Variants in GAA observed in about 807,000 individuals in gnomAD.
GAA encodes lysosomal alpha-glucosidase.
A neutral mutation model predicts 103.9 loss-of-function variants in GAA; 88 were observed. That is an observed-to-expected ratio of 0.85 (90% CI 0.71 to 1.01). The LOEUF (loss-of-function observed/expected upper bound fraction) is 1.01. Among genes scored for constraint, GAA ranks in the 50% least tolerant of loss-of-function variants. The pLI is 0.00. For missense variants in GAA, 1,350 were observed against 1,305.3 expected (o/e 1.03, Z -0.53); for synonymous variants, 572 against 563.1 (o/e 1.02, Z -0.22).
At position 80,108,544 on chromosome 17, in the gene GAA, CT is replaced by C; in HGVS notation, c.1132del (p.Tyr378ThrfsTer14). ...TGGGCTTCCACCTGTGCCGCTGGGG[CT>C]ACTCCTCCACCGCTATCACCCGCCA... ...GLGFHLCRWG[Y>X]SSTAITRQVV... On this transcript the variant is annotated frameshift_variant, in exon 7 of 20. Transcript: ENST00000302262. LOFTEE classifies it high-confidence loss of function. The C allele has an allele frequency of 6.2e-7, 1 of 1,612,904 alleles. No homozygotes were observed. Among genetic ancestry groups the C allele is most frequent in the South Asian group, 1.1e-5 (1 of 91,062 alleles).
Position 80,118,251 on chromosome 17 carries a change from T to G in GAA, c.2540T>G (p.Leu847Arg), listed in dbSNP as rs1555603096. The change falls in exon 18 of 20, where the codon CTG (leucine) becomes CGG (arginine). Residue 847 changes from leucine to arginine, a missense_variant. By Grantham distance (102) the Leu-to-Arg change is moderately radical. Coordinates refer to ENST00000302262, the MANE Select transcript of GAA (RefSeq NM_000152.5). ...RQQPMALAVA[L>R]TKGGEARGEL... is the part of the protein sequence containing the mutation. ...CAGCCCATGGCCCTGGCTGTGGCCC[T>G]GACCAAGGGTGGGGAGGCCCGAGGG... 1.9e-6 allele frequency: 3 copies of G among 1,611,984 alleles called. No individual in the cohort carries two copies. Among genetic ancestry groups the G allele is most frequent in the Non-Finnish European group, 2.5e-6 (3 of 1,179,114 alleles).
In GAA at chr17:80,112,090, G is replaced by C. The variant is rs369098202; in HGVS notation, c.1744G>C (p.Ala582Pro). ...HNLYGLTEAI[A>P]SHRALVKARG... ...CCTCTACGGCCTGACCGAAGCCATCGCCTCCCACAGGTGAGGGCCACGTCC... is the reference window on the plus strand; with the variant it reads ...CCTCTACGGCCTGACCGAAGCCATCCCCTCCCACAGGTGAGGGCCACGTCC... Residue 582 changes from alanine to proline, a missense_variant, in exon 12 of 20, where the codon GCC (alanine) becomes CCC (proline). Coordinates refer to ENST00000302262, the MANE Select transcript of GAA (RefSeq NM_000152.5). 30 of 1,613,356 alleles carry C rather than the reference G, an allele frequency of 1.9e-5. No homozygotes were observed. The highest frequency in any genetic ancestry group is 2.5e-5 in the Non-Finnish European group (30 of 1,179,624).
In GAA at chr17:80,107,732, C is replaced by CGGT. The variant is rs772821371; in HGVS notation, c.858+12_858+13insTGG. ...GGACCTTGCGCCCACGGTACAGCGGCGGGCGGCGGGCGGGGGCACTGAGCT... is the reference window on the plus strand; with the variant it reads ...GGACCTTGCGCCCACGGTACAGCGGCGGTGGGCGGCGGGCGGGGGCACTGAGCT... On this transcript the variant is annotated intron_variant, in intron 4 of 19. Coordinates refer to ENST00000302262, the MANE Select transcript of GAA (RefSeq NM_000152.5). 1.1e-4 allele frequency: 176 copies of CGGT among 1,606,934 alleles called. 1 individual carries two copies. In the South Asian group the frequency reaches 1.5e-3, roughly 14 times the overall value.
chr17:80,108,112 CTT>C (rs994940460), intron 5 of GAA, among the ~76,000 whole-genome samples, 176 bp from the exon 6 acceptor site: 7 of 152,360 alleles, frequency 4.6e-5, no homozygotes, highest in Admixed American at 4.6e-4. Context: ...CACCACATAT[CTT>C]TCCGTCCCAT....
In GAA at chr17:80,104,883, C is replaced by T. The variant is rs771846178; in HGVS notation, c.297C>T (p.Thr99=). Residue 99 remains threonine, a synonymous_variant, in exon 2 of 20, where the codon ACC becomes ACT. Coordinates refer to ENST00000302262, the MANE Select transcript of GAA (RefSeq NM_000152.5). This position sits in a 1 kb window ranked among gnomAD's most constrained non-coding sequence, Gnocchi z 4.0. ...ATTGCGCCCCTGACAAGGCCATCAC[C>T]CAGGAACAGTGCGAGGCCCGCGGCT... ...RFDCAPDKAI[T]QEQCEARGCC... The T allele has an allele frequency of 1.4e-5, 23 of 1,612,902 alleles. No individual in the cohort carries two copies. The Admixed American group carries it at 3.7e-4, about 26-fold the overall frequency.
rs773498009 is a variant in GAA at position 80,117,691 on chromosome 17, C to T, written c.2423C>T (p.Pro808Leu). Reference protein sequence around the residue: ...IHSEGQWVTLPAPLDTINVHL... With the variant: ...IHSEGQWVTLLAPLDTINVHL... Reference sequence around the variant, plus strand: ...AGCGAGGGGCAGTGGGTGACGCTGCCGGCCCCCCTGGACACCATCAACGTC... The same window carrying T: ...AGCGAGGGGCAGTGGGTGACGCTGCTGGCCCCCCTGGACACCATCAACGTC... Residue 808 changes from proline (P) to leucine (L), a missense_variant, in exon 17 of 20, where the codon CCG becomes CTG. By Grantham distance (98) the Pro-to-Leu change is moderately conservative. Transcript: ENST00000302262. The T allele has an allele frequency of 8.1e-6, 13 of 1,612,330 alleles. No individual in the cohort carries two copies. Among genetic ancestry groups the T allele is most frequent in the African/African-American group, 8.0e-5 (6 of 74,922 alleles).
rs185905012 is a variant in GAA at position 80,117,193 on chromosome 17, C to G, written c.2331+84C>G. ...GCCCCCTCCACCCAGTTGGTGTGAC[C>G]AGGTGGCGGAAAGAGGAACGTATGT... On this transcript the variant is annotated intron_variant, in intron 16 of 19. Transcript: ENST00000302262. The G allele has an allele frequency of 5.2e-4, 762 of 1,471,650 alleles. 1 individual carries two copies. Among genetic ancestry groups the G allele is most frequent in the Non-Finnish European group, 6.7e-4 (718 of 1,067,522 alleles). 91.2% of individuals were successfully genotyped at this position (1,471,650 alleles called of 1,614,324 possible).
rs1259967473 is a variant in GAA at position 80,113,442 on chromosome 17, C to T, written c.2189+76C>T. The T allele has an allele frequency of 6.7e-6, 9 of 1,346,240 alleles. No individual in the cohort carries two copies. The South Asian group carries it at 8.9e-5, about 13-fold the overall frequency. The allele number at this position is 1,346,240 out of a possible 1,614,324, so 83.4% of individuals were successfully genotyped here. ...CACGTAACTCCCAGGCAGCCCTGTC[C>T]TGCTGTGGGCTGTGTTCCCCAGGAC... On this transcript the variant is annotated intron_variant, in intron 15 of 19. Transcript: ENST00000302262.
At chr17:80,111,837 G>A (rs368359609) in intron 11 of GAA, 146 bp from the exon 12 acceptor site, 17 of 662,488 alleles carry the variant, frequency 2.6e-5, no homozygotes, top group African/African-American at 8.8e-5. Context: ...CCACAGAGGC[G>A]TGGGGAGCGG....
rs994615279 is a variant in GAA at position 80,108,342 on chromosome 17, C to G, written c.1008C>G (p.Ile336Met). 1 of 1,613,570 alleles carries G rather than the reference C, an allele frequency of 6.2e-7. No individual in the cohort carries two copies. Among genetic ancestry groups the G allele is most frequent in the African/African-American group, 1.3e-5 (1 of 74,940 alleles). ...PALSWRSTGG[I>M]LDVYIFLGPE... ...TTAGCTGGAGGTCGACAGGTGGGAT[C>G]CTGGATGTCTACATCTTCCTGGGCC... The change falls in exon 6 of 20, where the codon ATC becomes ATG. Residue 336 changes from isoleucine (I) to methionine (M), a missense_variant. Physicochemically the swap from Ile to Met is conservative, Grantham distance 10 (BLOSUM62 1). Transcript: ENST00000302262.
Position 80,104,557 on chromosome 17 carries a change from C to G in GAA, c.-30C>G, listed in dbSNP as rs753885352. On this transcript the variant is annotated splice_region_variant and 5_prime_UTR_variant, in exon 2 of 20. Coordinates refer to ENST00000302262, the MANE Select transcript of GAA (RefSeq NM_000152.5). The surrounding 1 kb of genome is among the most constrained non-coding windows in gnomAD (Gnocchi z 4.0). Reference sequence around the variant, plus strand: ...GAGCCCGCTTTCTTCTCCCGCAGGCCTGTAGGAGCTGTCCAGGCCATCTCC... The same window carrying G: ...GAGCCCGCTTTCTTCTCCCGCAGGCGTGTAGGAGCTGTCCAGGCCATCTCC... 1 of 1,593,166 alleles carries G rather than the reference C, an allele frequency of 6.3e-7. No homozygotes were observed. Among genetic ancestry groups the G allele is most frequent in the African/African-American group, 1.3e-5 (1 of 74,644 alleles).
In GAA at chr17:80,112,106, G is replaced by C. The variant is rs1282791373; in HGVS notation, c.1754+6G>C. ...GAAGCCATCGCCTCCCACAGGTGAG[G>C]GCCACGTCCCGCCCCACTGGGCTCT... is the stretch of plus-strand genomic sequence containing the variant. On this transcript the variant is annotated splice_donor_region_variant and intron_variant, in intron 12 of 19. Transcript: ENST00000302262. 9 of 1,611,666 alleles carry C rather than the reference G, an allele frequency of 5.6e-6. No homozygotes were observed. In the South Asian group the frequency reaches 9.9e-5, roughly 18 times the overall value.
chr17:80,113,425 T>C, intron 15 of GAA, 59 bp downstream of exon 15: 1 of 1,435,250 alleles, frequency 7.0e-7, no homozygotes, highest in African/African-American at 1.4e-5. Context: ...GGCACGTAAC[T>C]CCCAGGCAGC....
rs764943318 is a variant in GAA at position 80,118,263 on chromosome 17, G to T, written c.2552G>T (p.Gly851Val). 11 of 1,610,942 alleles carry T rather than the reference G, an allele frequency of 6.8e-6. No individual in the cohort carries two copies. The highest frequency in any genetic ancestry group is 9.3e-6 in the Non-Finnish European group (11 of 1,178,470). Residue 851 changes from glycine to valine, a missense_variant, in exon 18 of 20, where the codon GGG (glycine) becomes GTG (valine). Coordinates refer to ENST00000302262, the MANE Select transcript of GAA (RefSeq NM_000152.5). ...MALAVALTKG[G>V]EARGELFWDD... ...CTGGCTGTGGCCCTGACCAAGGGTG[G>T]GGAGGCCCGAGGGGAGCTGTTCTGG...
intron 9 of GAA, 65 bp from the exon 10 acceptor site, chr17:80,110,662 A>G: frequency 1.4e-6 from 2 of 1,404,302 alleles, no homozygotes; most frequent in South Asian, 2.3e-5. Flanking sequence ...GCTGAGGCTC[A>G]GTGGGGCTTC....
chr17:80,115,054 G>A (rs543836889), intron 15 of GAA, among the ~76,000 whole-genome samples: 7 of 152,152 alleles, frequency 4.6e-5, no homozygotes, highest in South Asian at 2.1e-4. Flanking sequence ...TCTAGGTGTA[G>A]ATCTCTGAGT....
In GAA at chr17:80,114,792, G is replaced by A. The variant is rs116644165; in HGVS notation, c.2189+1426G>A. Reference sequence around the variant, plus strand: ...TAACATCTTTCATTTACAGCAGAAGGACTCCCTTTAGTATTTATTGTAGGG... The same window carrying A: ...TAACATCTTTCATTTACAGCAGAAGAACTCCCTTTAGTATTTATTGTAGGG... On this transcript the variant is annotated intron_variant, in intron 15 of 19. Transcript: ENST00000302262. Among the ~76,000 whole-genome samples, 1,033 of 152,280 alleles carry A rather than the reference G, an allele frequency of 6.8e-3. 6 individuals are homozygous for A. Among genetic ancestry groups the A allele is most frequent in the African/African-American group, 0.023 (958 of 41,548 alleles).
chr17:80,110,742 A>ACGGC lies in GAA; in HGVS notation c.1454_1455insGGCC (p.Phe487CysfsTer20). ...CGTTGTCCAGGTATGGCCCGGGTCC[A>ACGGC]CTGCCTTCCCCGACTTCACCAACCC... On this transcript the variant is annotated frameshift_variant, in exon 10 of 20. Coordinates refer to ENST00000302262, the MANE Select transcript of GAA (RefSeq NM_000152.5). LOFTEE classifies it high-confidence loss of function. The ACGGC allele has an allele frequency of 6.2e-7, 1 of 1,613,956 alleles. No individual in the cohort carries two copies. The highest frequency in any genetic ancestry group is 8.5e-7 in the Non-Finnish European group (1 of 1,179,994).
chr17:80,105,185 A>T lies in GAA; in HGVS notation c.546+53A>T, dbSNP rs112454578. 2.1e-5 allele frequency: 32 copies of T among 1,518,226 alleles called. 1 individual carries two copies. The African/African-American group carries it at 2.5e-4, about 12-fold the overall frequency. 94.0% of individuals were successfully genotyped at this position (1,518,226 alleles called of 1,614,324 possible). On this transcript the variant is annotated intron_variant, in intron 2 of 19. Coordinates refer to ENST00000302262, the MANE Select transcript of GAA (RefSeq NM_000152.5). ...GCCAGGGCAGAGGGTGCGCGTGGAC[A>T]TCGACACCCACGCACCTCACAAGGG... is the stretch of plus-strand genomic sequence containing the variant.
Sources: allele counts gnomAD v4.1 joint callset (sites outside exome capture counted in the v4.1 genomes callset), GRCh38; gene constraint gnomAD v4.1.1; non-coding constraint Gnocchi (gnomAD v3.1); transcripts MANE v1.5; gene names NCBI Gene and HGNC (gene_info 2026-07-23, HGNC 2026-07-21).